Variants in PDE1A observed in about 807,000 individuals in gnomAD.
The protein encoded by PDE1A is dual specificity calcium/calmodulin-dependent 3',5'-cyclic nucleotide phosphodiesterase 1A.
Under a neutral mutation model 61.7 loss-of-function variants are expected in PDE1A, and 35 were observed. The ratio of observed to expected loss-of-function variants is 0.57; its 90% CI spans 0.43 to 0.75. The LOEUF (loss-of-function observed/expected upper bound fraction) is 0.75, where lower values mean the gene tolerates loss of function less well. PDE1A is among the 30% of genes least tolerant of loss of function. The probability of loss-of-function intolerance (pLI) is 0.00; values close to 1 mark genes in which losing one functional copy is unlikely to be tolerated. For missense variants in PDE1A, 597 were observed against 630.6 expected (o/e 0.95, Z 0.57); for synonymous variants, 232 against 213.2 (o/e 1.09, Z -0.77).
At chr2:182,408,181 CAAAAAA>C (rs5836834) in intron 1 of PDE1A, among the ~76,000 whole-genome samples, 6 of 116,100 alleles carry the variant, frequency 5.2e-5, no homozygotes, top group African/African-American at 1.7e-4. Context: ...AAGTATCTGC[CAAAAAA>C]AAAAAAAAAA....
chr2:182,374,870 T>C (rs1294027069), intron 1 of PDE1A, among the ~76,000 whole-genome samples: 1 of 152,208 alleles, frequency 6.6e-6, no homozygotes, highest in African/African-American at 2.4e-5. Flanking sequence ...TACAGTTGCA[T>C]ATGGCTGGGG....
At chr2:182,302,469 T>C (rs1241008724) in intron 1 of PDE1A, among the ~76,000 whole-genome samples, 1 of 152,226 alleles carries the variant, frequency 6.6e-6, no homozygotes, top group Non-Finnish European at 1.5e-5. Flanking sequence ...AAAATGTATA[T>C]AACTTAATTT....
intron 2 of PDE1A, among the ~76,000 whole-genome samples, chr2:182,461,212 A>G (rs1172019951): frequency 6.6e-6 from 1 of 152,198 alleles, no homozygotes; most frequent in Non-Finnish European, 1.5e-5. Flanking sequence ...TGAAAGGAAT[A>G]CGAAAAACTA....
chr2:182,455,846 T>G (rs1280817941), intron 2 of PDE1A, among the ~76,000 whole-genome samples: 2 of 151,808 alleles, frequency 1.3e-5, no homozygotes. Flanking sequence ...ACATGGCACA[T>G]GTATACATAT....
chr2:182,494,204 C>T (rs144547729), intron 2 of PDE1A, among the ~76,000 whole-genome samples: 75 of 152,068 alleles, frequency 4.9e-4, no homozygotes, highest in African/African-American at 1.8e-3. Context: ...GCAAAGGTAA[C>T]CTTTTATCAT....
intron 2 of PDE1A, among the ~76,000 whole-genome samples, chr2:182,471,526 T>C (rs1442418073): frequency 1.3e-5 from 2 of 151,788 alleles, no homozygotes; most frequent in Non-Finnish European, 2.9e-5. Flanking sequence ...TTTCTAAGTG[T>C]TTCTTCTCCA....
At chr2:182,649,234 C>T in the PDE1A span, among the ~76,000 whole-genome samples, 1 of 152,136 alleles carries the variant, frequency 6.6e-6, no homozygotes, top group African/African-American at 2.4e-5. Context: ...CACTGCCTGG[C>T]GACAGGGTAT....
At chr2:182,201,648 G>GAAAAAAAAA in intron 9 of PDE1A, 40 bp downstream of exon 9, 2 of 438,354 alleles carry the variant, frequency 4.6e-6, no homozygotes, top group Non-Finnish European at 6.0e-6. Context: ...ACTTTAACAT[G>GAAAAAAAAA]ACAAAAAAAA....
intron 1 of PDE1A, among the ~76,000 whole-genome samples, chr2:182,317,163 C>G (rs944286947): frequency 6.6e-6 from 1 of 152,050 alleles, no homozygotes; most frequent in Non-Finnish European, 1.5e-5. Flanking sequence ...CTTTATGACA[C>G]GTGGAGTGAT....
intron 1 of PDE1A, among the ~76,000 whole-genome samples, chr2:182,423,893 T>A (rs974800706): frequency 6.6e-6 from 1 of 151,500 alleles, no homozygotes; most frequent in Non-Finnish European, 1.5e-5. Context: ...TATATAGAAA[T>A]TTGAAACTAT....
chr2:182,664,167 T>C, the PDE1A span, among the ~76,000 whole-genome samples: 1 of 152,164 alleles, frequency 6.6e-6, no homozygotes, highest in Non-Finnish European at 1.5e-5. Flanking sequence ...TAAAAATCAA[T>C]TAATAGTAAA....
At chr2:182,340,362 C>T (rs991830868) in intron 1 of PDE1A, among the ~76,000 whole-genome samples, 4 of 152,140 alleles carry the variant, frequency 2.6e-5, no homozygotes, top group African/African-American at 7.2e-5. Context: ...TTCAAAGAGC[C>T]TCCAAGTGAA....
the PDE1A span, among the ~76,000 whole-genome samples, chr2:182,573,391 A>C: frequency 6.6e-6 from 1 of 152,188 alleles, no homozygotes; most frequent in Non-Finnish European, 1.5e-5. Context: ...TAAGGAAATC[A>C]TTTTTTAAAA....
At chr2:182,700,145 G>A in the PDE1A span, among the ~76,000 whole-genome samples, 3 of 152,090 alleles carry the variant, frequency 2.0e-5, no homozygotes, top group Non-Finnish European at 2.9e-5. Flanking sequence ...TTTCATAGTA[G>A]GTCACATTTC....
chr2:182,157,932 G>C (rs1691185351), intron 13 of PDE1A, among the ~76,000 whole-genome samples: 1 of 152,230 alleles, frequency 6.6e-6, no homozygotes, highest in Non-Finnish European at 1.5e-5. Flanking sequence ...AATCAGCCAA[G>C]ATAGAAATCA....
intron 2 of PDE1A, among the ~76,000 whole-genome samples, chr2:182,510,164 A>G (rs1185845533): frequency 6.6e-6 from 1 of 152,134 alleles, no homozygotes. Flanking sequence ...ATTTTATAAA[A>G]TATAAAATAA....
intron 1 of PDE1A, among the ~76,000 whole-genome samples, chr2:182,419,869 G>A (rs549446590): frequency 6.6e-6 from 1 of 151,974 alleles, no homozygotes; most frequent in South Asian, 2.1e-4. Flanking sequence ...TGAAGACTTG[G>A]GTGAATTCTT....
intron 2 of PDE1A, among the ~76,000 whole-genome samples, chr2:182,451,172 A>T (rs2125715558): frequency 4.7e-5 from 1 of 21,180 alleles, no homozygotes; most frequent in Middle Eastern, 0.024. Context: ...AAGTCAGGAG[A>T]TCGAGACCAT....
chr2:182,230,604 T>A (rs1279247819), intron 5 of PDE1A, among the ~76,000 whole-genome samples: 1 of 152,200 alleles, frequency 6.6e-6, no homozygotes, highest in African/African-American at 2.4e-5. Flanking sequence ...CTGTATCAAA[T>A]CTATTGCTTG....
Sources: gnomAD v4.1 joint callset for allele counts (sites outside exome capture counted in the v4.1 genomes callset) on GRCh38, gnomAD v4.1.1 for gene constraint, MANE v1.5 for transcripts, NCBI Gene and HGNC (gene_info 2026-07-23, HGNC 2026-07-21) for gene names.